Variants in ZBTB20 observed in about 807,000 individuals in gnomAD.
ZBTB20 encodes the protein zinc finger and BTB domain containing 20.
ZBTB20 carries 9 observed loss-of-function variants against 56.9 expected under a neutral mutation model. That is an observed-to-expected ratio of 0.16 (90% CI 0.10 to 0.28). The LOEUF (loss-of-function observed/expected upper bound fraction) is 0.28. Ranked by LOEUF, ZBTB20 falls within the 10% of genes least tolerant of loss-of-function variation. The pLI is 1.00. For missense variants in ZBTB20, 655 were observed against 1,003.0 expected, an observed-to-expected ratio of 0.65 and a Z score of 4.69; for synonymous variants, 417 against 420.7, an observed-to-expected ratio of 0.99 and a Z score of 0.11.
In ZBTB20 at chr3:114,338,208, CTCT is replaced by C. The variant is rs1266466457; in HGVS notation, c.*794_*796del. The C allele has an allele frequency of 6.6e-6, 1 of 151,932 alleles. No individual in the cohort carries two copies. The highest frequency in any genetic ancestry group is 1.5e-5 in the Non-Finnish European group (1 of 68,028). 9.4% of individuals were successfully genotyped at this position (151,932 alleles called of 1,614,324 possible). The stretch of plus-strand genomic sequence containing the variant: ...GCATTCCTGCCTTTCATGAAAGTCC[CTCT>C]TGATTGTGCTGAGGCTGTGGCTCAG... On this transcript the variant is annotated 3_prime_UTR_variant, in exon 12 of 12. Transcript: ENST00000675478.
At chr3:114,427,358 C>G (rs565222198) in intron 7 of ZBTB20, among the ~76,000 whole-genome samples, 49 of 152,298 alleles carry the variant, frequency 3.2e-4, no homozygotes, top group Middle Eastern at 3.4e-3. Context: ...TTGAGAACAT[C>G]AGCAGGAATA....
At chr3:114,851,326 C>A (rs1173621735) in intron 4 of ZBTB20, among the ~76,000 whole-genome samples, 3 of 152,226 alleles carry the variant, frequency 2.0e-5, no homozygotes, top group African/African-American at 7.2e-5. Flanking sequence ...CAGGTATACA[C>A]ACATACACAC....
At chr3:114,832,824 A>G (rs1173782931) in intron 4 of ZBTB20, among the ~76,000 whole-genome samples, 1 of 152,130 alleles carries the variant, frequency 6.6e-6, no homozygotes, top group South Asian at 2.1e-4. Flanking sequence ...TTTTAGGCCA[A>G]AATTTTGTGT....
rs140358642 is a variant in ZBTB20, at chr3:114,797,084, C to T, written c.-343+4017G>A. 3.1e-3 allele frequency among the ~76,000 whole-genome samples: 466 copies of T among 151,470 alleles called. 1 individual carries two copies. Among genetic ancestry groups the T allele is most frequent in the African/African-American group, 0.011 (440 of 41,352 alleles). On this transcript the variant is annotated intron_variant, in intron 5 of 11. Coordinates refer to ENST00000675478, the MANE Select transcript of ZBTB20 (RefSeq NM_001348800.3). ...ATATAAGGAAGAAAATAATTTTATC[C>T]CTTAATTAGGATTACATGAGTTAAA...
At chr3:115,024,254 A>G (rs2080322353) in intron 2 of ZBTB20, among the ~76,000 whole-genome samples, 1 of 151,114 alleles carries the variant, frequency 6.6e-6, no homozygotes, top group Non-Finnish European at 1.5e-5. Context: ...CTGAATCCTA[A>G]CTATTTTCCA....
chr3:114,730,739 A>G (rs1342549206), intron 5 of ZBTB20, among the ~76,000 whole-genome samples: 1 of 152,126 alleles, frequency 6.6e-6, no homozygotes, highest in Non-Finnish European at 1.5e-5. Context: ...GTGAGAAACC[A>G]ATTTCTGTTT....
intron 5 of ZBTB20, among the ~76,000 whole-genome samples, chr3:114,736,154 A>T (rs1368924551): frequency 6.6e-6 from 1 of 152,208 alleles, no homozygotes; most frequent in African/African-American, 2.4e-5. Flanking sequence ...TGGATAATTT[A>T]GTTAAACTAA....
chr3:114,948,378 A>G (rs1468162862), intron 3 of ZBTB20, among the ~76,000 whole-genome samples: 2 of 146,242 alleles, frequency 1.4e-5, no homozygotes, highest in Non-Finnish European at 2.9e-5. Flanking sequence ...AACAAATGTT[A>G]TACTAGTGGT....
chr3:114,443,022 T>C (rs2091031441), intron 7 of ZBTB20, among the ~76,000 whole-genome samples: 1 of 152,100 alleles, frequency 6.6e-6, no homozygotes, highest in South Asian at 2.1e-4. Flanking sequence ...ATACTTGCCC[T>C]CTTCTTCAAA....
chr3:114,451,647 G>C (rs768242976), intron 7 of ZBTB20, among the ~76,000 whole-genome samples: 7 of 151,960 alleles, frequency 4.6e-5, no homozygotes, highest in Non-Finnish European at 1.0e-4. Flanking sequence ...GAGGGGAGAA[G>C]GAAATTAAAT....
At chr3:114,585,955 G>A (rs2055137500) in intron 6 of ZBTB20, among the ~76,000 whole-genome samples, 1 of 152,210 alleles carries the variant, frequency 6.6e-6, no homozygotes, top group South Asian at 2.1e-4. Context: ...CGTCAGCAGG[G>A]CCTGTTTGTT....
chr3:115,098,138 A>G (rs2083445514), intron 1 of ZBTB20, among the ~76,000 whole-genome samples: 1 of 152,198 alleles, frequency 6.6e-6, no homozygotes, highest in African/African-American at 2.4e-5. Context: ...TGAAATTTTT[A>G]AAAATATTGT....
intron 6 of ZBTB20, among the ~76,000 whole-genome samples, chr3:114,501,709 T>TC (rs1391714404): frequency 1.4e-5 from 2 of 147,808 alleles, no homozygotes; most frequent in African/African-American, 5.0e-5. Flanking sequence ...TTTTTTTCTT[T>TC]CTTTTTTTTT....
intron 1 of ZBTB20, among the ~76,000 whole-genome samples, chr3:115,122,138 G>T (rs1333788626): frequency 6.6e-6 from 1 of 151,972 alleles, no homozygotes; most frequent in Non-Finnish European, 1.5e-5. Flanking sequence ...TATCTTGATC[G>T]AAAAGAAAAT....
chr3:115,029,092 A>C (rs2080554070), intron 2 of ZBTB20, among the ~76,000 whole-genome samples: 1 of 149,864 alleles, frequency 6.7e-6, no homozygotes, highest in South Asian at 2.1e-4. Context: ...CACACACCAA[A>C]AACAGCCATT....
chr3:114,824,581 G>T (rs2073424746), intron 4 of ZBTB20, among the ~76,000 whole-genome samples: 1 of 151,754 alleles, frequency 6.6e-6, no homozygotes, highest in Non-Finnish European at 1.5e-5. Context: ...CTTTTATTTT[G>T]TCATCATGTA....
intron 7 of ZBTB20, among the ~76,000 whole-genome samples, chr3:114,464,328 G>A (rs1175902641): frequency 6.6e-6 from 1 of 152,104 alleles, no homozygotes; most frequent in Non-Finnish European, 1.5e-5. Flanking sequence ...TCTAATTATA[G>A]AAGTGAATAG....
intron 4 of ZBTB20, among the ~76,000 whole-genome samples, chr3:114,806,679 T>C (rs6774219): frequency 0.13 from 19,576 of 151,974 alleles, 1,568 homozygotes; most frequent in African/African-American, 0.22. Flanking sequence ...TAACCCAAAG[T>C]CATGAAGATT....
intron 5 of ZBTB20, among the ~76,000 whole-genome samples, chr3:114,714,390 G>A (rs1354347585): frequency 6.6e-6 from 1 of 152,132 alleles, no homozygotes; most frequent in Non-Finnish European, 1.5e-5. Context: ...CAGGAGACAT[G>A]ACTTCCTCCA....
Sources: allele counts gnomAD v4.1 joint callset (sites outside exome capture counted in the v4.1 genomes callset), GRCh38; gene constraint gnomAD v4.1.1; transcripts MANE v1.5; gene names NCBI Gene and HGNC (gene_info 2026-07-23, HGNC 2026-07-21).